The following FER1L5 variants were observed in gnomAD, a reference collection of about 807,000 sequenced individuals.
The protein encoded by FER1L5 is fer-1 like family member 5, also known as fer-1-like protein 5.
A neutral mutation model predicts 279.9 loss-of-function variants in FER1L5; 187 were observed. The observed-to-expected ratio is 0.67, with a 90% CI of 0.59 to 0.75. The LOEUF is 0.75. FER1L5 is among the 30% of genes least tolerant of loss of function. The probability of loss-of-function intolerance (pLI) is 0.00; values close to 1 mark genes in which losing one functional copy is unlikely to be tolerated. For synonymous variants in FER1L5, 921 were observed against 989.7 expected (o/e 0.93, Z 1.30); for missense variants, 2,091 against 2,594.4 (o/e 0.81, Z 4.21).
intron 4 of FER1L5, among the ~76,000 whole-genome samples, chr2:96,648,281 G>A (rs1310099673): frequency 6.6e-6 from 1 of 152,242 alleles, no homozygotes; most frequent in East Asian, 1.9e-4. Flanking sequence ...AGGGGGTGAT[G>A]TTTAAGACAT....
intron 49 of FER1L5, 34 bp downstream of exon 49, chr2:96,703,111 A>C (rs763989260): frequency 6.2e-7 from 1 of 1,613,518 alleles, no homozygotes; most frequent in South Asian, 1.1e-5. Context: ...TGACCACAGG[A>C]CAGGGAGCTC....
rs1362143036 is a variant in FER1L5, at chr2:96,686,293, G to A, written c.2172G>A (p.Pro724=). ...QVPAHSVLFS[P]AGALHSGRLC... ...CTGCCCACTCCGTCCTCTTCTCCCC[G>A]GCAGGGGCTCTGCACTCCGGCAGGC... Residue 724 remains proline (P), a synonymous_variant, in exon 23 of 53, where the codon CCG becomes CCA. Transcript: ENST00000624922. The A allele has an allele frequency of 7.7e-6, 12 of 1,551,600 alleles. No individual in the cohort carries two copies. The highest frequency in any genetic ancestry group is 3.6e-5 in the South Asian group (3 of 84,064).
Position 96,703,280 on chromosome 2 carries a change from TAAG to T in FER1L5, c.5633_5635del (p.Lys1878del), listed in dbSNP as rs773343643. 21 of 1,613,840 alleles carry T rather than the reference TAAG, an allele frequency of 1.3e-5. No individual in the cohort carries two copies. The East Asian group carries it at 1.8e-4, about 14-fold the overall frequency. On this transcript the variant is annotated inframe_deletion, in exon 50 of 53. Coordinates refer to ENST00000624922, the MANE Select transcript of FER1L5 (RefSeq NM_001293083.2). ...TCCAATACAAGCACTTCTCCCTCTT[TAAG>T]AAGAAGACTGTGACTGGCTGGTGGC...
intron 6 of FER1L5, among the ~76,000 whole-genome samples, 186 bp downstream of exon 6, chr2:96,650,475 T>C (rs1039447839): frequency 2.6e-5 from 4 of 152,166 alleles, no homozygotes; most frequent in African/African-American, 9.7e-5. Flanking sequence ...CTTCTGCCTG[T>C]AGCTGAAGCC....
rs748418962 is a variant in FER1L5 at position 96,691,869 on chromosome 2, G to A, written c.3120G>A (p.Lys1040=). 1 of 1,551,610 alleles carries A rather than the reference G, an allele frequency of 6.4e-7. No individual in the cohort carries two copies. Among genetic ancestry groups the A allele is most frequent in the South Asian group, 1.2e-5 (1 of 84,056 alleles). The change falls in exon 30 of 53, where the codon AAG becomes AAA. Residue 1040 remains lysine (K), a synonymous_variant. Coordinates refer to ENST00000624922, the MANE Select transcript of FER1L5 (RefSeq NM_001293083.2). The surrounding 1 kb of genome is among the most constrained non-coding windows in gnomAD (Gnocchi z 6.0). ...KYHAGKEEDS[K]TWPWGLDRQF... ...ACGCTGGGAAGGAAGAGGACAGCAAGACATGGCCATGGGGTCTGGACAGAC... is the reference window on the plus strand; with the variant it reads ...ACGCTGGGAAGGAAGAGGACAGCAAAACATGGCCATGGGGTCTGGACAGAC...
chr2:96,676,915 G>A (rs530446038), intron 19 of FER1L5, among the ~76,000 whole-genome samples: 40 of 151,970 alleles, frequency 2.6e-4, no homozygotes, highest in Admixed American at 1.0e-3. Context: ...GGAGTGCGGC[G>A]GTCTGCCTCT....
In FER1L5 at chr2:96,673,267, T is replaced by C. The variant is rs1339436931; in HGVS notation, c.1669+13T>C. On this transcript the variant is annotated intron_variant, in intron 19 of 52. Transcript: ENST00000624922. The stretch of plus-strand genomic sequence containing the variant: ...GTGATATATGATGGTAATTGTCAGA[T>C]TCAGGCAATAAGTAGAGAGCAGCCA... The C allele has an allele frequency of 6.5e-7, 1 of 1,545,010 alleles. No individual in the cohort carries two copies. Among genetic ancestry groups the C allele is most frequent in the Non-Finnish European group, 8.8e-7 (1 of 1,141,488 alleles).
intron 13 of FER1L5, among the ~76,000 whole-genome samples, chr2:96,662,613 C>T (rs1268893730): frequency 6.6e-6 from 1 of 152,102 alleles, no homozygotes; most frequent in African/African-American, 2.4e-5. Context: ...TCTATGAATA[C>T]GGAATAGCAT....
At position 96,694,114 on chromosome 2, in the gene FER1L5, TG is replaced by T; in HGVS notation, c.3636+43del. 1 of 1,511,576 alleles carries T rather than the reference TG, an allele frequency of 6.6e-7. No homozygotes were observed. 93.6% of individuals were successfully genotyped at this position (1,511,576 alleles called of 1,614,324 possible). On this transcript the variant is annotated intron_variant, in intron 33 of 52. Transcript: ENST00000624922. The surrounding 1 kb of genome is among the most constrained non-coding windows in gnomAD (Gnocchi z 4.6). ...CCTGGCTGGGAAGTGTGGCACTCAGTGCCCCTCCCCGTCCCACCCCCAGCCA... is the reference window on the plus strand; with the variant it reads ...CCTGGCTGGGAAGTGTGGCACTCAGTCCCCTCCCCGTCCCACCCCCAGCCA...
chr2:96,663,420 C>T lies in FER1L5; in HGVS notation c.1072-19C>T. 1 of 1,551,510 alleles carries T rather than the reference C, an allele frequency of 6.4e-7. No individual in the cohort carries two copies. The highest frequency in any genetic ancestry group is 8.7e-7 in the Non-Finnish European group (1 of 1,146,824). On this transcript the variant is annotated intron_variant, in intron 13 of 52. Coordinates refer to ENST00000624922, the MANE Select transcript of FER1L5 (RefSeq NM_001293083.2). Reference sequence around the variant, plus strand: ...AGGAGGGGGCAGGCTGGCACCAACACTGCTTTGGGACATTCCAGCTCAGGA... The same window carrying T: ...AGGAGGGGGCAGGCTGGCACCAACATTGCTTTGGGACATTCCAGCTCAGGA...
At chr2:96,693,374 T>G in intron 31 of FER1L5, 132 bp from the exon 32 acceptor site, 1 of 846,924 alleles carries the variant, frequency 1.2e-6, no homozygotes, top group Non-Finnish European at 1.8e-6. Flanking sequence ...TGAGGGGGCC[T>G]CTGGGAGGCC....
At chr2:96,649,946 G>A (rs1003224428) in intron 5 of FER1L5, among the ~76,000 whole-genome samples, 6 of 152,252 alleles carry the variant, frequency 3.9e-5, no homozygotes, top group Non-Finnish European at 7.3e-5. Context: ...GAGAGACAAG[G>A]ATGGTCATCT....
At chr2:96,688,354 G>A (rs1188798204) in intron 24 of FER1L5, among the ~76,000 whole-genome samples, 4 of 152,214 alleles carry the variant, frequency 2.6e-5, no homozygotes, top group Non-Finnish European at 5.9e-5. Context: ...ATCACCAACA[G>A]GGCAGCCCGG....
At chr2:96,700,863 C>G (rs1311399978) in intron 45 of FER1L5, among the ~76,000 whole-genome samples, 1 of 152,180 alleles carries the variant, frequency 6.6e-6, no homozygotes, top group African/African-American at 2.4e-5. Flanking sequence ...GTCTTCTTCA[C>G]AGCAAATAAC....
Position 96,698,841 on chromosome 2 carries a change from C to A in FER1L5, c.4518+9C>A. Reference sequence around the variant, plus strand: ...AGGACTACAATGGCCTGGTAAAGAACAGTACCTGCCCCACACAGGTGCCCC... The same window carrying A: ...AGGACTACAATGGCCTGGTAAAGAAAAGTACCTGCCCCACACAGGTGCCCC... On this transcript the variant is annotated intron_variant, in intron 41 of 52. Coordinates refer to ENST00000624922, the MANE Select transcript of FER1L5 (RefSeq NM_001293083.2). This position sits in a 1 kb window ranked among gnomAD's most constrained non-coding sequence, Gnocchi z 5.5. The A allele has an allele frequency of 6.4e-7, 1 of 1,557,862 alleles. No individual in the cohort carries two copies. Among genetic ancestry groups the A allele is most frequent in the South Asian group, 1.2e-5 (1 of 84,372 alleles).
chr2:96,646,001 T>C (rs868376972), intron 1 of FER1L5, among the ~76,000 whole-genome samples: 58 of 133,630 alleles, frequency 4.3e-4, no homozygotes, highest in African/African-American at 1.3e-3. Flanking sequence ...GTTTTCTTTT[T>C]TTTTTTTTTT....
chr2:96,689,456 G>T lies in FER1L5; in HGVS notation c.2525+80G>T, dbSNP rs139476151. 3.5e-3 allele frequency: 5,304 copies of T among 1,527,574 alleles called. 35 individuals are homozygous for T. The highest frequency in any genetic ancestry group is 0.014 in the South Asian group (1,157 of 80,928). 94.6% of individuals were successfully genotyped at this position (1,527,574 alleles called of 1,614,324 possible). ...AGTCCGCGGCAGCCCAGAAAGATGGGTACCTAGCCCCTAAGCCTGGTGCCA... is the reference window on the plus strand; with the variant it reads ...AGTCCGCGGCAGCCCAGAAAGATGGTTACCTAGCCCCTAAGCCTGGTGCCA... On this transcript the variant is annotated intron_variant, in intron 25 of 52. Coordinates refer to ENST00000624922, the MANE Select transcript of FER1L5 (RefSeq NM_001293083.2). This position sits in a 1 kb window ranked among gnomAD's most constrained non-coding sequence, Gnocchi z 4.6.
intron 14 of FER1L5, among the ~76,000 whole-genome samples, chr2:96,664,374 A>G (rs1394073111): frequency 6.6e-6 from 1 of 152,098 alleles, no homozygotes; most frequent in East Asian, 1.9e-4. Context: ...CAGGCAACCA[A>G]CAATCTGCTT....
chr2:96,701,655 T>C (rs1054550569), intron 45 of FER1L5, among the ~76,000 whole-genome samples: 7 of 152,076 alleles, frequency 4.6e-5, no homozygotes, highest in Non-Finnish European at 1.0e-4. Flanking sequence ...AGACAGGCCA[T>C]CTAGCATGAC....
Sources: gnomAD v4.1 joint callset for allele counts (sites outside exome capture counted in the v4.1 genomes callset) on GRCh38, gnomAD v4.1.1 for gene constraint, Gnocchi (gnomAD v3.1) non-coding constraint, MANE v1.5 for transcripts, NCBI Gene and HGNC (gene_info 2026-07-23, HGNC 2026-07-21) for gene names.